The following KIAA1958 variants were observed in gnomAD, a reference collection of about 807,000 sequenced individuals.
The protein encoded by KIAA1958 is uncharacterized protein KIAA1958.
In KIAA1958, 14 loss-of-function variants were observed where a neutral mutation model predicts 47.2. That is an observed-to-expected ratio of 0.30 (90% CI 0.20 to 0.46). KIAA1958 has a LOEUF of 0.46. Ranked by LOEUF, KIAA1958 falls within the 20% of genes least tolerant of loss-of-function variation. KIAA1958 has a pLI of 1.00. For missense variants in KIAA1958, 803 were observed against 909.2 expected (o/e 0.88, Z 1.50); for synonymous variants, 354 against 353.3 (o/e 1.00, Z -0.02).
intron 2 of KIAA1958, among the ~76,000 whole-genome samples, chr9:112,642,155 GATA>G (rs1836900769): frequency 6.6e-6 from 1 of 152,188 alleles, no homozygotes; most frequent in Non-Finnish European, 1.5e-5. Flanking sequence ...GCTCCTGTCT[GATA>G]ACACTTGGAT....
chr9:112,577,368 C>T (rs1835663307), intron 2 of KIAA1958, among the ~76,000 whole-genome samples: 2 of 152,056 alleles, frequency 1.3e-5, no homozygotes, highest in African/African-American at 2.4e-5. Context: ...TGGTCCTTGA[C>T]TAATCTCATC....
chr9:112,617,553 C>T (rs1298603436), intron 2 of KIAA1958, among the ~76,000 whole-genome samples: 2 of 152,170 alleles, frequency 1.3e-5, no homozygotes, highest in Non-Finnish European at 2.9e-5. Context: ...ACATTTCTGT[C>T]CCACATTTTT....
intron 2 of KIAA1958, among the ~76,000 whole-genome samples, chr9:112,643,776 T>A (rs1176839718): frequency 6.6e-6 from 1 of 152,184 alleles, no homozygotes; most frequent in East Asian, 1.9e-4. Flanking sequence ...AAAGCAAATG[T>A]GAGGCATAGA....
rs554351995 is a variant in KIAA1958, at chr9:112,666,431, G to A, written c.*6362G>A. 6.6e-6 allele frequency: 1 copy of A among 152,220 alleles called. No homozygotes were observed. The highest frequency in any genetic ancestry group is 1.9e-4 in the East Asian group (1 of 5,172). 9.4% of individuals were successfully genotyped at this position (152,220 alleles called of 1,614,324 possible). ...CCATCCAAGATCAGCCAAACAATAAGTAATAGATTCAGGACTAGAGAGTTA... is the reference window on the plus strand; with the variant it reads ...CCATCCAAGATCAGCCAAACAATAAATAATAGATTCAGGACTAGAGAGTTA... On this transcript the variant is annotated 3_prime_UTR_variant, in exon 4 of 4. Transcript: ENST00000337530.
intron 1 of KIAA1958, among the ~76,000 whole-genome samples, chr9:112,513,380 C>T (rs1459740733): frequency 2.7e-5 from 4 of 149,312 alleles, no homozygotes; most frequent in Non-Finnish European, 5.9e-5. Flanking sequence ...GCAGAGGGAA[C>T]AGCCATGCAG....
chr9:112,515,149 C>G (rs1209703164), intron 1 of KIAA1958, among the ~76,000 whole-genome samples: 37 of 97,384 alleles, frequency 3.8e-4, no homozygotes, highest in Admixed American at 7.9e-4. Flanking sequence ...TCTGCCCGGC[C>G]GCCCCTACTG....
intron 3 of KIAA1958, among the ~76,000 whole-genome samples, chr9:112,659,018 TCAAAA>T (rs1564204640): frequency 3.9e-5 from 1 of 25,624 alleles, no homozygotes; most frequent in Admixed American, 5.9e-4. Context: ...AGACTCTGAC[TCAAAA>T]AAAAAAAAAA....
intron 1 of KIAA1958, among the ~76,000 whole-genome samples, chr9:112,573,496 G>A (rs1182556024): frequency 3.3e-5 from 5 of 152,044 alleles, no homozygotes; most frequent in African/African-American, 1.2e-4. Flanking sequence ...TCCTCTCCTT[G>A]GACTCCCAGT....
At chr9:112,609,237 C>G (rs1836284161) in intron 2 of KIAA1958, among the ~76,000 whole-genome samples, 1 of 152,182 alleles carries the variant, frequency 6.6e-6, no homozygotes, top group African/African-American at 2.4e-5. Flanking sequence ...GTGCAGGTAA[C>G]TGCTATCAAA....
rs57738957 is a variant in KIAA1958 at position 112,523,099 on chromosome 9, C to T, written c.-25+35981C>T. ...CATAGCACTCATCCTCACAGCCACC[C>T]CTCAGAAATGGATTTCTTGTTTGCA... is the stretch of plus-strand genomic sequence containing the variant. On this transcript the variant is annotated intron_variant, in intron 1 of 3. Transcript: ENST00000337530. Among the ~76,000 whole-genome samples the T allele has an allele frequency of 1.6e-3, 245 of 152,286 alleles. 4 individuals carry two copies. In the East Asian group the frequency reaches 0.043, roughly 27 times the overall value.
intron 1 of KIAA1958, among the ~76,000 whole-genome samples, chr9:112,568,979 C>T (rs1278743822): frequency 6.7e-5 from 6 of 89,690 alleles, no homozygotes; most frequent in Non-Finnish European, 1.3e-4. Flanking sequence ...TGACATATGA[C>T]AATGTGTGTT....
intron 1 of KIAA1958, among the ~76,000 whole-genome samples, chr9:112,516,649 ATTT>A (rs1834440493): frequency 6.6e-6 from 1 of 152,222 alleles, no homozygotes; most frequent in Non-Finnish European, 1.5e-5. Flanking sequence ...AGCAAAACAC[ATTT>A]AAAAGAGAAT....
At chr9:112,562,471 A>G (rs1835350587) in intron 1 of KIAA1958, among the ~76,000 whole-genome samples, 1 of 152,146 alleles carries the variant, frequency 6.6e-6, no homozygotes, top group South Asian at 2.1e-4. Context: ...ACACACACCC[A>G]GAAGAGCCTG....
At chr9:112,545,918 T>G (rs116582817) in intron 1 of KIAA1958, among the ~76,000 whole-genome samples, 1 of 151,524 alleles carries the variant, frequency 6.6e-6, no homozygotes, top group East Asian at 1.9e-4. Context: ...TATTGATGTA[T>G]GAAATACATA....
chr9:112,506,336 G>T (rs1478492070), intron 1 of KIAA1958, among the ~76,000 whole-genome samples: 1 of 152,064 alleles, frequency 6.6e-6, no homozygotes, highest in Middle Eastern at 3.2e-3. Flanking sequence ...GGCGCCTGTA[G>T]TCCCAGCTTC....
chr9:112,600,686 C>T (rs1277858258), intron 2 of KIAA1958, among the ~76,000 whole-genome samples: 1 of 152,180 alleles, frequency 6.6e-6, no homozygotes, highest in African/African-American at 2.4e-5. Context: ...GAATGCCTGA[C>T]TTCAGTAGCC....
At chr9:112,607,012 A>G (rs1456412775) in intron 2 of KIAA1958, among the ~76,000 whole-genome samples, 2 of 152,316 alleles carry the variant, frequency 1.3e-5, no homozygotes, top group East Asian at 1.9e-4. Flanking sequence ...CATAGTATAT[A>G]AAGAAGGGGT....
In KIAA1958 at chr9:112,659,332, G is replaced by C. The variant is rs775810723; in HGVS notation, c.1414G>C (p.Asp472His). The C allele has an allele frequency of 2.5e-6, 4 of 1,614,080 alleles. No individual in the cohort carries two copies. The highest frequency in any genetic ancestry group is 2.5e-6 in the Non-Finnish European group (3 of 1,180,026). ...YVTVKKSDGS[D>H]FLATSLHAIR... ...CACCGTCAAGAAGAGCGACGGCTCG[G>C]ACTTCCTGGCCACCTCGCTCCATGC... The change falls in exon 4 of 4, where the codon GAC (aspartate) becomes CAC (histidine). Residue 472 changes from aspartate to histidine, a missense_variant. Around this residue, in one of 2 missense-constraint regions of KIAA1958, gnomAD observed 761 missense variants for 829.3 expected, o/e 0.92. Transcript: ENST00000337530.
chr9:112,552,327 A>AT (rs1247767015), intron 1 of KIAA1958, among the ~76,000 whole-genome samples: 1 of 152,240 alleles, frequency 6.6e-6, no homozygotes, highest in Non-Finnish European at 1.5e-5. Flanking sequence ...CTGACAGAGG[A>AT]TTAAGAGTCT....
Sources: allele counts gnomAD v4.1 joint callset (sites outside exome capture counted in the v4.1 genomes callset), GRCh38; gene constraint gnomAD v4.1.1; regional missense constraint gnomAD v4.1.1; transcripts MANE v1.5; gene names NCBI Gene and HGNC (gene_info 2026-07-23, HGNC 2026-07-21).